Variants in UTP20 observed in about 807,000 individuals in gnomAD.
The protein encoded by UTP20 is small subunit processome component 20 homolog.
UTP20 carries 164 observed loss-of-function variants against 329.5 expected under a neutral mutation model. The observed-to-expected ratio is 0.50, with a 90% CI of 0.44 to 0.57. UTP20 has a LOEUF of 0.57. Ranked by LOEUF, UTP20 falls within the 20% of genes least tolerant of loss-of-function variation. The pLI, the probability that UTP20 is intolerant of heterozygous loss-of-function variation, is 0.00. For synonymous variants in UTP20, 1,151 were observed against 1,159.3 expected (o/e 0.99, Z 0.14); for missense variants, 3,055 against 3,284.2 (o/e 0.93, Z 1.71).
intron 21 of UTP20, 132 bp downstream of exon 21, chr12:101,312,408 GCT>G: frequency 7.7e-7 from 1 of 1,290,914 alleles, no homozygotes; most frequent in Non-Finnish European, 1.0e-6. Flanking sequence ...CATCCATTAG[GCT>G]GAGGTATTTT....
chr12:101,366,595 C>A lies in UTP20; in HGVS notation c.6163C>A (p.Pro2055Thr). The A allele has an allele frequency of 6.2e-7, 1 of 1,614,176 alleles. No homozygotes were observed. The highest frequency in any genetic ancestry group is 8.5e-7 in the Non-Finnish European group (1 of 1,180,018). Reference protein sequence around the residue: ...VAPAPDPRLPPQSCLLLPPTP... With the variant: ...VAPAPDPRLPTQSCLLLPPTP... ...CCCAGCACCAGATCCACGTCTACCA[C>A]CCCAGAGCTGCCTTCTGCTTCCCCC... The change falls in exon 47 of 62, where the codon CCC becomes ACC. Residue 2055 changes from proline (P) to threonine (T), a missense_variant. Transcript: ENST00000261637.
intron 43 of UTP20, among the ~76,000 whole-genome samples, chr12:101,358,100 A>C (rs887345849): frequency 6.6e-6 from 1 of 152,168 alleles, no homozygotes; most frequent in Non-Finnish European, 1.5e-5. Context: ...TGTACATCCT[A>C]GTTTGTTGAT....
rs1870146551 is a variant in UTP20 at position 101,367,862 on chromosome 12, G to T, written c.6270G>T (p.Leu2090=). 1 of 1,609,962 alleles carries T rather than the reference G, an allele frequency of 6.2e-7. No homozygotes were observed. The highest frequency in any genetic ancestry group is 1.3e-5 in the African/African-American group (1 of 74,804). Residue 2090 remains leucine, a splice_region_variant and synonymous_variant, in exon 48 of 62, where the codon CTG becomes CTT. Coordinates refer to ENST00000261637, the MANE Select transcript of UTP20 (RefSeq NM_014503.3). ...MHIFIESGLR[L]LHLSLKTSKI... ...AATACCTGTTTGAACTCTCTTAGCT[G>T]CTGCATCTGAGTCTGAAGACTTCCA...
chr12:101,290,354 G>A, intron 7 of UTP20, 80 bp downstream of exon 7: 1 of 1,484,398 alleles, frequency 6.7e-7, no homozygotes, highest in Non-Finnish European at 9.0e-7. Context: ...AAATGATGTG[G>A]AGGGAAGACA....
chr12:101,383,843 C>T (rs7315825), intron 60 of UTP20, among the ~76,000 whole-genome samples, 174 bp downstream of exon 60: 3,296 of 145,852 alleles, frequency 0.023, 112 homozygotes, highest in South Asian at 0.078. Context: ...TATATATATA[C>T]ACACACACAC....
At chr12:101,296,037 A>G (rs1872336781) in intron 12 of UTP20, among the ~76,000 whole-genome samples, 1 of 152,220 alleles carries the variant, frequency 6.6e-6, no homozygotes, top group Admixed American at 6.5e-5. Context: ...CTTCACTCAG[A>G]TTACTCCATT....
In UTP20 at chr12:101,335,728, T is replaced by C. The variant is rs1410385576; in HGVS notation, c.3641+1224T>C. Among the ~76,000 whole-genome samples the C allele has an allele frequency of 2.0e-5, 3 of 152,224 alleles. No individual in the cohort carries two copies. In the East Asian group the frequency reaches 5.8e-4, roughly 29 times the overall value. On this transcript the variant is annotated intron_variant, in intron 29 of 61. Coordinates refer to ENST00000261637, the MANE Select transcript of UTP20 (RefSeq NM_014503.3). The stretch of plus-strand genomic sequence containing the variant: ...TTGATTTTGTTTTTTTCATGTATCT[T>C]TATGTCATGAACATTTCTTCATGTT...
intron 43 of UTP20, 119 bp from the exon 44 acceptor site, chr12:101,361,843 C>T: frequency 2.7e-6 from 2 of 749,330 alleles, no homozygotes; most frequent in Non-Finnish European, 4.6e-6. Context: ...GTCGAAGCTT[C>T]TCCTGGCAAT....
intron 27 of UTP20, among the ~76,000 whole-genome samples, chr12:101,330,790 G>C (rs1868736190): frequency 6.6e-6 from 1 of 152,224 alleles, no homozygotes; most frequent in African/African-American, 2.4e-5. Flanking sequence ...TCAATAATCA[G>C]TAACTCAAAG....
intron 25 of UTP20, among the ~76,000 whole-genome samples, chr12:101,324,519 C>A (rs928747331): frequency 6.6e-6 from 1 of 152,180 alleles, no homozygotes; most frequent in Non-Finnish European, 1.5e-5. Flanking sequence ...GTCCCCCCAC[C>A]TTGGCTTCCC....
At chr12:101,324,395 G>A (rs544968741) in intron 25 of UTP20, among the ~76,000 whole-genome samples, 67 of 151,838 alleles carry the variant, frequency 4.4e-4, no homozygotes, top group African/African-American at 1.5e-3. Context: ...GTGCCAAAAC[G>A]CCCAGTTAAT....
At chr12:101,381,768 C>T (rs981765773) in intron 58 of UTP20, among the ~76,000 whole-genome samples, 2 of 151,986 alleles carry the variant, frequency 1.3e-5, no homozygotes, top group Admixed American at 6.6e-5. Flanking sequence ...CCTATAATCC[C>T]AGCACTTTGG....
intron 12 of UTP20, 95 bp from the exon 13 acceptor site, chr12:101,299,587 C>T: frequency 8.2e-7 from 1 of 1,224,776 alleles, no homozygotes; most frequent in Non-Finnish European, 1.1e-6. Flanking sequence ...CCCTCTAATG[C>T]TCCACAATGG....
intron 27 of UTP20, among the ~76,000 whole-genome samples, chr12:101,330,728 C>A (rs1868734483): frequency 6.6e-6 from 1 of 152,158 alleles, no homozygotes; most frequent in Non-Finnish European, 1.5e-5. Flanking sequence ...GTAGTGCCTT[C>A]ACATTTTTGG....
chr12:101,379,556 A>T lies in UTP20; in HGVS notation c.7582A>T (p.Lys2528Ter). ...IKFLASDLDQ[K>*]MKSISLASCH... ...GTTCCTAGCCAGTGACCTTGACCAA[A>T]AGGTAAGCTTTCTCTCAAACCTTTT... Residue 2528 changes from lysine (K) to a stop codon, truncating the protein, a stop_gained and splice_region_variant, in exon 57 of 62, where the codon AAG becomes TAG. Transcript: ENST00000261637. LOFTEE classifies it high-confidence loss of function. 6.2e-7 allele frequency: 1 copy of T among 1,608,580 alleles called. No homozygotes were observed. Among genetic ancestry groups the T allele is most frequent in the Non-Finnish European group, 8.5e-7 (1 of 1,176,710 alleles).
In UTP20 at chr12:101,352,104, A is replaced by T. The variant is rs140657361; in HGVS notation, c.4934A>T (p.Lys1645Ile). 401 of 1,614,056 alleles carry T rather than the reference A, an allele frequency of 2.5e-4. No homozygotes were observed. The African/African-American group carries it at 4.7e-3, about 19-fold the overall frequency. Residue 1645 changes from lysine (K) to isoleucine (I), a missense_variant, in exon 39 of 62, where the codon AAA (lysine) becomes ATA (isoleucine). Lys to Ile is a moderately radical substitution (Grantham distance 102). This residue lies in a region of UTP20 where 2,445 missense variants were observed against 2,575.5 expected (regional missense o/e 0.95). Coordinates refer to ENST00000261637, the MANE Select transcript of UTP20 (RefSeq NM_014503.3). ...AATEIIGAIC[K>I]HLSWSAYMYY... ...ACAGAGATTATTGGAGCCATTTGCA[A>T]ACATCTCTCTTGGTCAGCGTATATG...
intron 14 of UTP20, among the ~76,000 whole-genome samples, chr12:101,301,993 C>T (rs750376087): frequency 6.6e-6 from 1 of 152,194 alleles, no homozygotes; most frequent in Non-Finnish European, 1.5e-5. Flanking sequence ...GTGGCACGAT[C>T]ATGGCTTACT....
Position 101,353,132 on chromosome 12 carries a change from A to G in UTP20, c.5107+3A>G. 1 of 1,579,902 alleles carries G rather than the reference A, an allele frequency of 6.3e-7. No homozygotes were observed. Among genetic ancestry groups the G allele is most frequent in the Non-Finnish European group, 8.7e-7 (1 of 1,153,720 alleles). On this transcript the variant is annotated splice_donor_region_variant and intron_variant, in intron 40 of 61. Coordinates refer to ENST00000261637, the MANE Select transcript of UTP20 (RefSeq NM_014503.3). ...GGGAAAAATTGAGAATGAAGAAAGT[A>G]AGTTTCTTAAACTTTCTTAAACAAG... is the stretch of plus-strand genomic sequence containing the variant.
chr12:101,366,653 T>G lies in UTP20; in HGVS notation c.6221T>G (p.Val2074Gly), dbSNP rs768922754. 1.2e-6 allele frequency: 2 copies of G among 1,614,152 alleles called. No homozygotes were observed. The highest frequency in any genetic ancestry group is 2.2e-5 in the South Asian group (2 of 91,074). ...GTTCGAGGTGGACAGAAAGCTGTTG[T>G]GAGCAGGAAAACCAACATGCACATA... Reference protein sequence around the residue: ...TPVRGGQKAVVSRKTNMHIFI... With the variant: ...TPVRGGQKAVGSRKTNMHIFI... Residue 2074 changes from valine to glycine, a missense_variant, in exon 47 of 62, where the codon GTG (valine) becomes GGG (glycine). By Grantham distance (109) the Val-to-Gly change is moderately radical (BLOSUM62 -3). Coordinates refer to ENST00000261637, the MANE Select transcript of UTP20 (RefSeq NM_014503.3).
Sources: gnomAD v4.1 joint callset for allele counts (sites outside exome capture counted in the v4.1 genomes callset) on GRCh38, gnomAD v4.1.1 for gene constraint, gnomAD v4.1.1 regional missense constraint, MANE v1.5 for transcripts, NCBI Gene and HGNC (gene_info 2026-07-23, HGNC 2026-07-21) for gene names.